Variants in QTMAN observed in about 807,000 individuals in gnomAD.
The protein encoded by QTMAN is tRNA-queuosine alpha-mannosyltransferase.
chr2:143,983,125 C>T, the QTMAN span, among the ~76,000 whole-genome samples: 1 of 152,052 alleles, frequency 6.6e-6, no homozygotes. Context: ...AATCCTAGTT[C>T]TCATATTTAG....
At chr2:144,092,870 G>GTGTGTGTGTGTGTGT in the QTMAN span, among the ~76,000 whole-genome samples, 37 of 140,724 alleles carry the variant, frequency 2.6e-4, no homozygotes, top group African/African-American at 9.2e-4. Context: ...AAACTTTTGG[G>GTGTGTGTGTGTGTGT]GTGTGTGTGT....
the QTMAN span, among the ~76,000 whole-genome samples, chr2:144,316,767 T>A: frequency 6.6e-6 from 1 of 152,198 alleles, no homozygotes; most frequent in African/African-American, 2.4e-5. Context: ...AATCTTAAAA[T>A]CTCCCTACAT....
chr2:143,968,933 A>C, the QTMAN span, among the ~76,000 whole-genome samples: 1 of 152,084 alleles, frequency 6.6e-6, no homozygotes, highest in African/African-American at 2.4e-5. Flanking sequence ...AGCTTCCTAA[A>C]ATACAGGTTT....
the QTMAN span, among the ~76,000 whole-genome samples, chr2:144,318,530 T>C: frequency 1.3e-5 from 2 of 152,218 alleles, no homozygotes; most frequent in South Asian, 2.1e-4. Context: ...CATAAAGCTA[T>C]TGTAAGATTC....
chr2:144,182,827 T>TAA, the QTMAN span, among the ~76,000 whole-genome samples: 1 of 68,136 alleles, frequency 1.5e-5, no homozygotes, highest in East Asian at 4.3e-4. Flanking sequence ...ATTATATATA[T>TAA]AATATATATA....
chr2:144,184,560 G>T, the QTMAN span, among the ~76,000 whole-genome samples: 2 of 152,124 alleles, frequency 1.3e-5, no homozygotes, highest in East Asian at 3.8e-4. Context: ...ATACAGTAAT[G>T]AGAGTGGAAA....
At chr2:144,259,541 A>T in the QTMAN span, among the ~76,000 whole-genome samples, 2 of 152,310 alleles carry the variant, frequency 1.3e-5, no homozygotes, top group East Asian at 3.9e-4. Context: ...CCTAACAGTA[A>T]TGACTCTTTT....
the QTMAN span, among the ~76,000 whole-genome samples, chr2:144,305,491 TG>T: frequency 6.6e-6 from 1 of 152,238 alleles, no homozygotes; most frequent in Non-Finnish European, 1.5e-5. Context: ...CGCCCTGTTT[TG>T]GGTACTGTAG....
the QTMAN span, among the ~76,000 whole-genome samples, chr2:144,067,737 G>A: frequency 1.3e-5 from 2 of 152,194 alleles, no homozygotes; most frequent in Admixed American, 6.5e-5. Context: ...GAAAATGCCA[G>A]CTGGAAGAAG....
chr2:144,167,342 G>A, the QTMAN span, among the ~76,000 whole-genome samples: 79 of 148,436 alleles, frequency 5.3e-4, no homozygotes, highest in Non-Finnish European at 7.7e-4. Context: ...TGCATCACCC[G>A]AATACTAGTC....
the QTMAN span, among the ~76,000 whole-genome samples, chr2:144,285,254 GTCTAACT>G: frequency 1.3e-5 from 2 of 151,782 alleles, no homozygotes; most frequent in Admixed American, 6.6e-5. Flanking sequence ...CCTATATTTG[GTCTAACT>G]TCTAAGTATC....
the QTMAN span, among the ~76,000 whole-genome samples, chr2:144,199,767 T>C: frequency 6.6e-6 from 1 of 152,306 alleles, no homozygotes; most frequent in African/African-American, 2.4e-5. Flanking sequence ...TCCTTAAATC[T>C]TGATCTTGAT....
chr2:144,182,808 A>ATTATATATATATTATATATATAAT, the QTMAN span, among the ~76,000 whole-genome samples: 2 of 52,528 alleles, frequency 3.8e-5, no homozygotes, highest in Non-Finnish European at 6.8e-5. Context: ...TTATATATAT[A>ATTATATATATATTATATATATAAT]ATATATATAT....
the QTMAN span, among the ~76,000 whole-genome samples, chr2:144,266,431 A>G: frequency 6.6e-6 from 1 of 152,166 alleles, no homozygotes; most frequent in East Asian, 1.9e-4. Context: ...GTAAGCCTCA[A>G]TTTCCTTATC....
At chr2:143,960,767 T>A in the QTMAN span, among the ~76,000 whole-genome samples, 1 of 151,862 alleles carries the variant, frequency 6.6e-6, no homozygotes, top group Non-Finnish European at 1.5e-5. Context: ...TATACCTTTT[T>A]AACAAATCTG....
the QTMAN span, among the ~76,000 whole-genome samples, chr2:144,077,061 AAAAG>A: frequency 2.6e-5 from 4 of 152,034 alleles, no homozygotes; most frequent in East Asian, 1.9e-4. Flanking sequence ...AAAAAAAAAA[AAAAG>A]AGAGATTAAG....
At chr2:144,328,901 A>G in the QTMAN span, among the ~76,000 whole-genome samples, 2 of 152,186 alleles carry the variant, frequency 1.3e-5, no homozygotes, top group Non-Finnish European at 2.9e-5. Context: ...CGGAGATTCA[A>G]AGAATGGAGT....
the QTMAN span, among the ~76,000 whole-genome samples, chr2:143,987,096 G>A: frequency 4.6e-5 from 7 of 152,108 alleles, no homozygotes; most frequent in Admixed American, 3.9e-4. Flanking sequence ...TGAGGATTAG[G>A]TCTGCAACAG....
chr2:144,287,428 G>C, the QTMAN span, among the ~76,000 whole-genome samples: 2 of 143,976 alleles, frequency 1.4e-5, no homozygotes, highest in African/African-American at 5.1e-5. Context: ...GACAGAGCAA[G>C]ACTCTGTCTC....
Sources: gnomAD v4.1 joint callset for allele counts (sites outside exome capture counted in the v4.1 genomes callset) on GRCh38, gnomAD v4.1.1 for gene constraint, MANE v1.5 for transcripts, NCBI Gene and HGNC (gene_info 2026-07-23, HGNC 2026-07-21) for gene names.